Variants in TP53I13 observed in about 807,000 individuals in gnomAD.
TP53I13 encodes the protein tumor protein p53-inducible protein 13.
In TP53I13, 27 loss-of-function variants were observed where a neutral mutation model predicts 39.1. The observed-to-expected ratio is 0.69, with a 90% confidence interval of 0.51 to 0.95. TP53I13 has a LOEUF of 0.95. Ranked by LOEUF, TP53I13 falls within the 40% of genes least tolerant of loss-of-function variation. The pLI is 0.00. For missense variants in TP53I13, 544 were observed against 520.4 expected, an observed-to-expected ratio of 1.05 and a Z score of -0.44; for synonymous variants, 230 against 224.6, an observed-to-expected ratio of 1.02 and a Z score of -0.22.
rs575346062 is a variant in TP53I13, at chr17:29,569,705, C to T, written c.183+346C>T. The T allele has an allele frequency of 1.1e-5, 3 of 266,388 alleles. No homozygotes were observed. In the South Asian group the frequency reaches 1.8e-4, roughly 16 times the overall value. 16.5% of individuals were successfully genotyped at this position (266,388 alleles called of 1,614,324 possible). ...GAGGAGACAGCGGGAAGTCTCCTGA[C>T]TTTGTGGGCCCCAGCTTTCTGTAGG... On this transcript the variant is annotated intron_variant, in intron 3 of 6. Coordinates refer to ENST00000301057, the MANE Select transcript of TP53I13 (RefSeq NM_138349.4).
At chr17:29,576,401 G>A (rs755883234), downstream of TP53I13, 10 of 1,613,260 alleles carry the variant, frequency 6.2e-6, no homozygotes, top group South Asian at 8.8e-5. Context: ...TGTGGGCACC[G>A]GCCCTGGAGG....
chr17:29,571,534 T>A, intron 3 of TP53I13, 57 bp from the exon 4 acceptor site: 1 of 1,587,770 alleles, frequency 6.3e-7, no homozygotes, highest in Non-Finnish European at 8.6e-7. Context: ...TGGGAGAACT[T>A]GAGATTCTCT....
the TP53I13 span, chr17:29,581,227 G>C: frequency 7.3e-4 from 581 of 791,516 alleles, 4 homozygotes; most frequent in East Asian, 0.014. The surrounding 1 kb of genome is among the most constrained non-coding windows in gnomAD (Gnocchi z 4.8). Context: ...TAGTCTCTGG[G>C]GGGAGGGAGC....
At chr17:29,575,648 C>G, downstream of TP53I13, 1 of 1,612,332 alleles carries the variant, frequency 6.2e-7, no homozygotes, top group Non-Finnish European at 8.5e-7. This position sits in a 1 kb window ranked among gnomAD's most constrained non-coding sequence, Gnocchi z 5.5. Flanking sequence ...TGGGTCCCCA[C>G]TTTGCGTGTT....
downstream of TP53I13, chr17:29,573,370 C>G (rs2033051929): frequency 6.4e-6 from 1 of 156,790 alleles, no homozygotes; most frequent in African/African-American, 2.4e-5. Context: ...GACAGACGTT[C>G]CCAGCACAGG....
Position 29,571,608 on chromosome 17 carries a change from C to G in TP53I13, c.201C>G (p.Phe67Leu). The G allele has an allele frequency of 6.2e-7, 1 of 1,614,094 alleles. No homozygotes were observed. Among genetic ancestry groups the G allele is most frequent in the Non-Finnish European group, 8.5e-7 (1 of 1,180,014 alleles). ...TCCTCCAGGCTGAGGATGTCACCTT[C>G]CTCTACCACCCCTGTGCCCATCCCT... The part of the protein sequence containing the change: ...VSPGQAEDVT[F>L]LYHPCAHPWL... Residue 67 changes from phenylalanine to leucine, a missense_variant, in exon 4 of 7, where the codon TTC (phenylalanine) becomes TTG (leucine). Coordinates refer to ENST00000301057, the MANE Select transcript of TP53I13 (RefSeq NM_138349.4).
At chr17:29,581,668 G>A in the TP53I13 span, 66 of 1,135,006 alleles carry the variant, frequency 5.8e-5, no homozygotes, top group East Asian at 9.6e-5. This position sits in a 1 kb window ranked among gnomAD's most constrained non-coding sequence, Gnocchi z 4.8. Context: ...ACCTGCTGCC[G>A]GGTGCGTCCA....
chr17:29,581,672 G>T, the TP53I13 span: 3 of 1,188,342 alleles, frequency 2.5e-6, no homozygotes, highest in Non-Finnish European at 2.5e-6. This position sits in a 1 kb window ranked among gnomAD's most constrained non-coding sequence, Gnocchi z 4.8. Flanking sequence ...GCTGCCGGGT[G>T]CGTCCAGGTC....
At position 29,572,401 on chromosome 17, in the gene TP53I13, C is replaced by G; in HGVS notation, c.773C>G (p.Ala258Gly). ...SVPTVSLLPG[A>G]PGGNASSRTE... ...CCCACTGTCTCCCTGCTGCCGGGGG[C>G]GCCTGGAGGCAATGCCAGCTCCAGG... The change falls in exon 6 of 7, where the codon GCG becomes GGG. Residue 258 changes from alanine (A) to glycine (G), a missense_variant. Transcript: ENST00000301057. 1 of 1,593,018 alleles carries G rather than the reference C, an allele frequency of 6.3e-7. No homozygotes were observed. Among genetic ancestry groups the G allele is most frequent in the Non-Finnish European group, 8.6e-7 (1 of 1,165,816 alleles).
intron 3 of TP53I13, chr17:29,570,872 C>G (rs983918204): frequency 1.3e-5 from 2 of 152,564 alleles, no homozygotes; most frequent in African/African-American, 4.8e-5. Context: ...GCCATACTCC[C>G]CCAGCCATCT....
At chr17:29,580,247 G>A in the TP53I13 span, among the ~76,000 whole-genome samples, 1 of 152,230 alleles carries the variant, frequency 6.6e-6, no homozygotes. Context: ...GTTGAATGGA[G>A]CCCATATTTG....
chr17:29,582,168 G>A, the TP53I13 span: 1 of 1,503,230 alleles, frequency 6.7e-7, no homozygotes, highest in Non-Finnish European at 9.0e-7. Flanking sequence ...AGTGTGCAGT[G>A]AATACGCATG....
chr17:29,575,564 G>A (rs2033163093), downstream of TP53I13: 1 of 1,564,324 alleles, frequency 6.4e-7, no homozygotes, highest in Middle Eastern at 1.7e-4. The surrounding 1 kb of genome is among the most constrained non-coding windows in gnomAD (Gnocchi z 5.5). Context: ...TCACACACTG[G>A]GGGCCCTCTC....
upstream of TP53I13, chr17:29,566,988 C>T (rs1002601408): frequency 2.3e-6 from 3 of 1,291,896 alleles, no homozygotes; most frequent in African/African-American, 1.6e-5. Context: ...AGAGCCCCGG[C>T]GGGCAGCGGG....
Position 29,572,130 on chromosome 17 carries a change from T to C in TP53I13, c.514-12T>C, listed in dbSNP as rs2032961605. 5 of 1,609,598 alleles carry C rather than the reference T, an allele frequency of 3.1e-6. No homozygotes were observed. The highest frequency in any genetic ancestry group is 4.2e-6 in the Non-Finnish European group (5 of 1,177,552). On this transcript the variant is annotated splice_polypyrimidine_tract_variant and intron_variant, in intron 5 of 6. Transcript: ENST00000301057. ...GGGGCAGCAGGGTGATTGCTCTCTC[T>C]CCTCTCCTTAGGCCCTGGCTCTGGC...
rs202220425 is a variant in TP53I13 at position 29,572,644 on chromosome 17, G to T, written c.1016G>T (p.Arg339Leu). Reference sequence around the variant, plus strand: ...ACACGGCTGCACAGAAACTTCCGACGCGGGGAGAGCATCTACTGGGGGCCC... The same window carrying T: ...ACACGGCTGCACAGAAACTTCCGACTCGGGGAGAGCATCTACTGGGGGCCC... Reference protein sequence around the residue: ...LCTRLHRNFRRGESIYWGPTA... With the variant: ...LCTRLHRNFRLGESIYWGPTA... Residue 339 changes from arginine to leucine, a missense_variant, in exon 6 of 7, where the codon CGC (arginine) becomes CTC (leucine). Coordinates refer to ENST00000301057, the MANE Select transcript of TP53I13 (RefSeq NM_138349.4). 2.1e-3 allele frequency: 3,297 copies of T among 1,584,690 alleles called. 7 individuals are homozygous for T. Among genetic ancestry groups the T allele is most frequent in the Non-Finnish European group, 2.5e-3 (2,866 of 1,166,398 alleles).
the TP53I13 span, chr17:29,581,980 C>T: frequency 4.3e-6 from 7 of 1,612,832 alleles, no homozygotes; most frequent in African/African-American, 9.3e-5. This position sits in a 1 kb window ranked among gnomAD's most constrained non-coding sequence, Gnocchi z 4.8. Context: ...CAGGGTCAGC[C>T]CCATACACTA....
chr17:29,573,084 G>A lies in TP53I13; in HGVS notation c.*160G>A. ...CTCCTTGTTGGTTGCTGAGTGGGCG[G>A]CCAAGGGGAGAAAAGGAGCCGCTTC... is the stretch of plus-strand genomic sequence containing the variant. On this transcript the variant is annotated 3_prime_UTR_variant, in exon 7 of 7. Transcript: ENST00000301057. The A allele has an allele frequency of 1.9e-6, 1 of 519,746 alleles. No homozygotes were observed. Among genetic ancestry groups the A allele is most frequent in the African/African-American group, 2.0e-5 (1 of 49,788 alleles). The allele number at this position is 519,746 out of a possible 1,614,324, so 32.2% of individuals were successfully genotyped here.
downstream of TP53I13, chr17:29,576,955 C>T (rs1252210302): frequency 6.3e-6 from 10 of 1,599,508 alleles, 1 homozygote; most frequent in South Asian, 3.3e-5. Context: ...TCGTGTTGGT[C>T]GTCGAGGTCA....
Sources: gnomAD v4.1 joint callset for allele counts (sites outside exome capture counted in the v4.1 genomes callset) on GRCh38, gnomAD v4.1.1 for gene constraint, Gnocchi (gnomAD v3.1) non-coding constraint, MANE v1.5 for transcripts, NCBI Gene and HGNC (gene_info 2026-07-23, HGNC 2026-07-21) for gene names.